PCDHA9: variants seen among roughly 807,000 people sequenced by gnomAD.
PCDHA9 encodes protocadherin alpha 9, also known as protocadherin alpha-9.
PCDHA9 carries 62 observed loss-of-function variants against 62.0 expected under a neutral mutation model. The ratio of observed to expected loss-of-function variants is 1.00; its 90% CI spans 0.81 to 1.23. The LOEUF is 1.23. Ranked by LOEUF, PCDHA9 falls within the 50% of genes most tolerant of loss-of-function variation. The probability of loss-of-function intolerance (pLI) is 0.00; values close to 1 mark genes in which losing one functional copy is unlikely to be tolerated. For synonymous variants in PCDHA9, 557 were observed against 567.6 expected (o/e 0.98, Z 0.27); for missense variants, 1,205 against 1,249.8 (o/e 0.96, Z 0.54).
intron 1 of PCDHA9, among the ~76,000 whole-genome samples, chr5:140,957,285 G>A (rs1036077483): frequency 2.0e-5 from 3 of 152,144 alleles, no homozygotes; most frequent in Non-Finnish European, 4.4e-5. Context: ...CTTACCTGCA[G>A]TTTCACTCTG....
At chr5:140,876,231 A>G (rs1428769390) in intron 1 of PCDHA9, 1 of 1,613,886 alleles carries the variant, frequency 6.2e-7, no homozygotes, top group African/African-American at 1.3e-5. Context: ...TGTTGTCTGA[A>G]AATGTCCAAA....
intron 1 of PCDHA9, chr5:140,967,806 G>A (rs1406839046): frequency 8.1e-6 from 13 of 1,614,180 alleles, no homozygotes; most frequent in Non-Finnish European, 1.1e-5. Flanking sequence ...CCCATGGCAG[G>A]TCACTGCAAG....
intron 1 of PCDHA9, chr5:140,876,994 G>C (rs375771604): frequency 3.7e-6 from 6 of 1,612,620 alleles, no homozygotes; most frequent in South Asian, 1.1e-5. Context: ...GTCGAGCTAC[G>C]TGTCGGTGCA....
intron 1 of PCDHA9, among the ~76,000 whole-genome samples, chr5:140,945,480 C>A (rs2093795468): frequency 6.6e-6 from 1 of 151,728 alleles, no homozygotes; most frequent in South Asian, 2.1e-4. Context: ...CACAAAACAC[C>A]CCAAATACCC....
intron 1 of PCDHA9, among the ~76,000 whole-genome samples, chr5:140,941,198 TC>T (rs2092794663): frequency 1.7e-5 from 2 of 119,812 alleles, no homozygotes; most frequent in African/African-American, 6.9e-5. Context: ...TTTTTTTCTT[TC>T]TTCCTTTCTT....
At chr5:140,925,142 C>G (rs2082353538) in intron 1 of PCDHA9, among the ~76,000 whole-genome samples, 1 of 151,570 alleles carries the variant, frequency 6.6e-6, no homozygotes, top group African/African-American at 2.4e-5. Context: ...TTCAAACATA[C>G]ACAAAAGTTG....
chr5:141,005,819 G>A, intron 3 of PCDHA9, among the ~76,000 whole-genome samples: 1 of 151,636 alleles, frequency 6.6e-6, no homozygotes, highest in South Asian at 2.1e-4. Context: ...CAGGTATGGT[G>A]GCCTGTAGTC....
chr5:140,876,596 C>T (rs1361945795), intron 1 of PCDHA9: 1 of 1,614,040 alleles, frequency 6.2e-7, no homozygotes, highest in East Asian at 2.2e-5. Flanking sequence ...ATTAGCGTGT[C>T]GGATCGTGAC....
At chr5:140,922,336 A>G (rs1554200779) in intron 1 of PCDHA9, among the ~76,000 whole-genome samples, 2 of 152,226 alleles carry the variant, frequency 1.3e-5, no homozygotes, top group African/African-American at 4.8e-5. Context: ...GGGTTGGTAT[A>G]TTGGTATTTT....
At chr5:140,926,529 A>T in intron 1 of PCDHA9, 1 of 209,686 alleles carries the variant, frequency 4.8e-6, no homozygotes, top group Admixed American at 5.9e-5. Context: ...CTGCGCCCGC[A>T]GCCAGCGTGG....
At chr5:140,965,239 G>C (rs7722865) in intron 1 of PCDHA9, among the ~76,000 whole-genome samples, 9,112 of 152,230 alleles carry the variant, frequency 0.06, 825 homozygotes, top group African/African-American at 0.2. Context: ...CCTGGGAAGA[G>C]TGAATATTCA....
chr5:140,877,112 G>T (rs782384853), intron 1 of PCDHA9: 18 of 1,613,552 alleles, frequency 1.1e-5, no homozygotes, highest in African/African-American at 4.0e-5. Context: ...CCTCTGGGCA[G>T]CAACGTGACG....
At chr5:140,929,153 A>T in intron 1 of PCDHA9, 1 of 1,614,164 alleles carries the variant, frequency 6.2e-7, no homozygotes, top group African/African-American at 1.3e-5. Context: ...TCTCAGACTT[A>T]TCTCTATCGG....
chr5:140,851,530 A>G (rs2042087003), intron 1 of PCDHA9: 6 of 902,946 alleles, frequency 6.6e-6, no homozygotes, highest in Non-Finnish European at 8.1e-6. Context: ...ATGCCTGACA[A>G]TGTAGATAAT....
intron 1 of PCDHA9, among the ~76,000 whole-genome samples, chr5:140,886,842 AAAAAAG>A (rs1562824849): frequency 6.6e-6 from 1 of 151,524 alleles, no homozygotes. Flanking sequence ...AAAAAAAAAA[AAAAAAG>A]AAAGGTCTTC....
intron 1 of PCDHA9, among the ~76,000 whole-genome samples, chr5:140,974,396 G>A (rs1413050341): frequency 6.6e-6 from 1 of 152,178 alleles, no homozygotes; most frequent in Non-Finnish European, 1.5e-5. Context: ...CATTAGGTAT[G>A]TTCTAAAGTT....
At chr5:140,881,798 A>G (rs2153381417) in intron 1 of PCDHA9, among the ~76,000 whole-genome samples, 1 of 152,372 alleles carries the variant, frequency 6.6e-6, no homozygotes, top group South Asian at 2.1e-4. Context: ...TTGTCCCAAA[A>G]CGAGTGTCGA....
intron 1 of PCDHA9, chr5:140,871,303 G>T: frequency 6.2e-7 from 1 of 1,613,972 alleles, no homozygotes; most frequent in Non-Finnish European, 8.5e-7. Flanking sequence ...GTGCGCGCCG[G>T]GGAAGCCCAC....
chr5:140,849,637 C>A lies in PCDHA9; in HGVS notation c.1142C>A (p.Ala381Asp), dbSNP rs1581190048. ...AGTGTGATCGACCTAGACGCAGATG[C>A]CAACGGGCAGGTTACCTGCTCCCTG... ...LISVIDLDAD[A>D]NGQVTCSLTP... The change falls in exon 1 of 4, where the codon GCC becomes GAC. Residue 381 changes from alanine to aspartate, a missense_variant. Physicochemically the swap from Ala to Asp is moderately radical, Grantham distance 126. Coordinates refer to ENST00000532602, the MANE Select transcript of PCDHA9 (RefSeq NM_031857.2). 4 of 1,598,688 alleles carry A rather than the reference C, an allele frequency of 2.5e-6. No homozygotes were observed. In the East Asian group the frequency reaches 8.9e-5, roughly 36 times the overall value.
Sources: allele counts gnomAD v4.1 joint callset (sites outside exome capture counted in the v4.1 genomes callset), GRCh38; gene constraint gnomAD v4.1.1; transcripts MANE v1.5; gene names NCBI Gene and HGNC (gene_info 2026-07-23, HGNC 2026-07-21).